Variants in WNK1 observed in about 807,000 individuals in gnomAD.
The protein encoded by WNK1 is WNK lysine deficient protein kinase 1.
WNK1 carries 38 observed loss-of-function variants against 222.8 expected under a neutral mutation model. That is an observed-to-expected ratio of 0.17 (90% CI 0.13 to 0.22). The LOEUF (loss-of-function observed/expected upper bound fraction) is 0.22, where lower values mean the gene tolerates loss of function less well. WNK1 is among the 10% of genes least tolerant of loss of function. The pLI, the probability that WNK1 is intolerant of heterozygous loss-of-function variation, is 1.00. For missense variants in WNK1, 2,348 were observed against 2,918.4 expected (o/e 0.80, Z 4.50); for synonymous variants, 1,090 against 1,092.9 (o/e 1.00, Z 0.05).
At chr12:761,043 T>G (rs1305171952) in intron 1 of WNK1, among the ~76,000 whole-genome samples, 1 of 146,050 alleles carries the variant, frequency 6.8e-6, no homozygotes, top group Non-Finnish European at 1.5e-5. Context: ...CCTTGGCCTC[T>G]TAAAGTGCTG....
intron 4 of WNK1, among the ~76,000 whole-genome samples, chr12:833,571 C>A (rs1229368916): frequency 7.1e-6 from 1 of 141,792 alleles, no homozygotes; most frequent in African/African-American, 2.5e-5. Context: ...CGGTCTTCCT[C>A]CATGACATTT....
chr12:756,730 T>C (rs138188618), intron 1 of WNK1, among the ~76,000 whole-genome samples: 1 of 152,340 alleles, frequency 6.6e-6, no homozygotes, highest in Non-Finnish European at 1.5e-5. Context: ...TGAACTTTTA[T>C]CTTTGGAGCC....
intron 1 of WNK1, among the ~76,000 whole-genome samples, chr12:760,390 C>A (rs187032848): frequency 2.0e-5 from 3 of 147,718 alleles, no homozygotes; most frequent in Admixed American, 2.0e-4. Context: ...TTCTAGATTA[C>A]CCAATTTTCT....
intron 1 of WNK1, among the ~76,000 whole-genome samples, chr12:797,775 C>T (rs1383900740): frequency 6.6e-6 from 1 of 151,862 alleles, no homozygotes; most frequent in Non-Finnish European, 1.5e-5. Flanking sequence ...GTGAAACCCC[C>T]ATCTTTACTG....
chr12:851,908 T>C (rs1950448406), intron 4 of WNK1: 1 of 845,646 alleles, frequency 1.2e-6, no homozygotes. Context: ...AACTTGAGAA[T>C]GCTTTAAAAA....
chr12:772,110 GA>G lies in WNK1; in HGVS notation c.759+17787del, dbSNP rs563847063. Among the ~76,000 whole-genome samples, 181 of 152,034 alleles carry G rather than the reference GA, an allele frequency of 1.2e-3. 3 individuals are homozygous for G. Among genetic ancestry groups the G allele is most frequent in the Admixed American group, 0.011 (162 of 15,240 alleles). On this transcript the variant is annotated intron_variant, in intron 1 of 27. Transcript: ENST00000315939. ...CCATCCTTAATTCATACACAAAAAA[GA>G]TGCTTTAAAAAATTAGTAAAACACT...
chr12:884,169 G>A lies in WNK1; in HGVS notation c.3770G>A (p.Arg1257Gln), dbSNP rs1056922971. ...CAAGTTGTTCATTCTGCGGGAAGGC[G>A]GTTTATAGTGAGTCCTGTGCCAGAA... The part of the protein sequence containing the change: ...LTQVVHSAGR[R>Q]FIVSPVPESR... Residue 1257 changes from arginine to glutamine, a missense_variant, in exon 18 of 28, where the codon CGG (arginine) becomes CAG (glutamine). Arg to Gln is a conservative substitution (Grantham distance 43, BLOSUM62 1). Around this residue, in one of 13 missense-constraint regions of WNK1, gnomAD observed 1,144 missense variants for 1,273.6 expected, o/e 0.90. Transcript: ENST00000315939. The surrounding 1 kb of genome is among the most constrained non-coding windows in gnomAD (Gnocchi z 5.6). The A allele has an allele frequency of 1.9e-6, 3 of 1,614,146 alleles. No homozygotes were observed. Among genetic ancestry groups the A allele is most frequent in the African/African-American group, 1.3e-5 (1 of 75,032 alleles).
At chr12:896,925 C>CG (rs1322029072) in intron 24 of WNK1, among the ~76,000 whole-genome samples, 193 bp downstream of exon 24, 40 of 97,472 alleles carry the variant, frequency 4.1e-4, no homozygotes, top group African/African-American at 1.4e-3. Flanking sequence ...CACACACACA[C>CG]ACACACACAC....
chr12:824,668 T>TC (rs1948203909), intron 2 of WNK1, among the ~76,000 whole-genome samples: 1 of 75,740 alleles, frequency 1.3e-5, no homozygotes, highest in Non-Finnish European at 3.3e-5. Context: ...TGGGAATAGT[T>TC]AAAAAAAAGA....
At chr12:773,092 C>G (rs1942726085) in intron 1 of WNK1, among the ~76,000 whole-genome samples, 1 of 152,092 alleles carries the variant, frequency 6.6e-6, no homozygotes, top group Non-Finnish European at 1.5e-5. Flanking sequence ...AACCCCATCT[C>G]TACTAAAAAT....
chr12:787,670 T>C (rs1944440511), intron 1 of WNK1, among the ~76,000 whole-genome samples: 2 of 152,180 alleles, frequency 1.3e-5, no homozygotes, highest in Admixed American at 1.3e-4. Context: ...TCCTTATTCT[T>C]ACACACTTTA....
chr12:857,894 T>A (rs1252316664), intron 5 of WNK1, among the ~76,000 whole-genome samples: 3 of 152,094 alleles, frequency 2.0e-5, no homozygotes, highest in Non-Finnish European at 2.9e-5. Context: ...GCCACCCCCT[T>A]CCATCCTCCA....
intron 4 of WNK1, among the ~76,000 whole-genome samples, chr12:833,507 A>G (rs1302129003): frequency 6.6e-6 from 1 of 152,174 alleles, no homozygotes; most frequent in African/African-American, 2.4e-5. Context: ...ATGTTATATA[A>G]TACTGTACCT....
At chr12:794,488 T>C (rs1436018873) in intron 1 of WNK1, among the ~76,000 whole-genome samples, 1 of 141,758 alleles carries the variant, frequency 7.1e-6, no homozygotes, top group Admixed American at 7.6e-5. Flanking sequence ...TGTTCCTTTT[T>C]CCTAGTTGGT....
chr12:871,794 G>T (rs904958291), intron 9 of WNK1, among the ~76,000 whole-genome samples: 7 of 152,070 alleles, frequency 4.6e-5, no homozygotes, highest in Non-Finnish European at 8.8e-5. Context: ...GTAGAGACGG[G>T]GTTTCACCAT....
chr12:853,939 A>AC (rs139013386), intron 4 of WNK1, among the ~76,000 whole-genome samples: 8,473 of 152,144 alleles, frequency 0.056, 311 homozygotes, highest in Middle Eastern at 0.1. Context: ...CTTTGGAGAG[A>AC]CAGGGTCTTG....
intron 8 of WNK1, chr12:868,807 C>G: frequency 6.2e-7 from 1 of 1,613,958 alleles, no homozygotes; most frequent in Non-Finnish European, 8.5e-7. Flanking sequence ...ATTACCATGC[C>G]CCAGAATTGA....
rs1201537831 is a variant in WNK1 at position 884,752 on chromosome 12, A to C, written c.3948A>C (p.Thr1316=). The C allele has an allele frequency of 8.7e-6, 14 of 1,614,190 alleles. No homozygotes were observed. In the East Asian group the frequency reaches 1.6e-4, roughly 18 times the overall value. Reference sequence around the variant, plus strand: ...CTGAACTTAGACGTGCCCAAATGACAGAAGGACCCAACACAGCACCTCCAA... The same window carrying C: ...CTGAACTTAGACGTGCCCAAATGACCGAAGGACCCAACACAGCACCTCCAA... ...AFSELRRAQM[T]EGPNTAPPNF... is the part of the protein sequence containing the mutation. Residue 1316 remains threonine, a synonymous_variant, in exon 19 of 28, where the codon ACA becomes ACC. Coordinates refer to ENST00000315939, the MANE Select transcript of WNK1 (RefSeq NM_018979.4). The surrounding 1 kb of genome is among the most constrained non-coding windows in gnomAD (Gnocchi z 5.6).
chr12:801,895 T>C, intron 1 of WNK1, among the ~76,000 whole-genome samples: 1 of 152,174 alleles, frequency 6.6e-6, no homozygotes, highest in East Asian at 1.9e-4. Context: ...ATTTACTTTG[T>C]TTTTTGAGTG....
Sources: gnomAD v4.1 joint callset for allele counts (sites outside exome capture counted in the v4.1 genomes callset) on GRCh38, gnomAD v4.1.1 for gene constraint, gnomAD v4.1.1 regional missense constraint, Gnocchi (gnomAD v3.1) non-coding constraint, MANE v1.5 for transcripts, NCBI Gene and HGNC (gene_info 2026-07-23, HGNC 2026-07-21) for gene names.